TRPM1: variants seen among roughly 807,000 people sequenced by gnomAD.
TRPM1 encodes the protein transient receptor potential cation channel subfamily M member 1, also known as TRPM1-203 APA Isoform, Intron 10.
Under a neutral mutation model 149.4 loss-of-function variants are expected in TRPM1, and 113 were observed. The observed-to-expected ratio is 0.76, with a 90% confidence interval of 0.65 to 0.88. The LOEUF (loss-of-function observed/expected upper bound fraction) is 0.88. TRPM1 is among the 40% of genes least tolerant of loss of function. The pLI is 0.00. For synonymous variants in TRPM1, 741 were observed against 759.5 expected, an observed-to-expected ratio of 0.98 and a Z score of 0.40; for missense variants, 1,976 against 2,038.7, an observed-to-expected ratio of 0.97 and a Z score of 0.59.
chr15:31,107,923 T>G (rs1195778785), intron 1 of TRPM1, among the ~76,000 whole-genome samples: 1 of 151,928 alleles, frequency 6.6e-6, no homozygotes, highest in Non-Finnish European at 1.5e-5. Flanking sequence ...AGTGGCATGA[T>G]CTCAGCTCAC....
upstream of TRPM1, among the ~76,000 whole-genome samples, chr15:31,106,435 C>T (rs1027433377): frequency 6.6e-6 from 1 of 152,024 alleles, no homozygotes; most frequent in Non-Finnish European, 1.5e-5. Flanking sequence ...CACGCCTGGC[C>T]GCCACAAGTA....
At chr15:31,005,033 C>T (rs575579789) in intron 27 of TRPM1, among the ~76,000 whole-genome samples, 3 of 151,876 alleles carry the variant, frequency 2.0e-5, no homozygotes, top group Admixed American at 1.3e-4. Flanking sequence ...ACCCAGGAGG[C>T]GGAGGTTGCA....
intron 27 of TRPM1, among the ~76,000 whole-genome samples, chr15:31,021,808 G>A (rs1486618935): frequency 9.2e-5 from 14 of 151,774 alleles, no homozygotes; most frequent in Non-Finnish European, 1.9e-4. Context: ...TGCTATTATA[G>A]GTTTAGCTCA....
intron 1 of TRPM1, among the ~76,000 whole-genome samples, chr15:31,150,043 T>A (rs1382745867): frequency 6.6e-6 from 1 of 152,200 alleles, no homozygotes; most frequent in Admixed American, 6.5e-5. Context: ...AAGTAAGGGG[T>A]AAAGCCCATT....
At chr15:31,042,877 C>T (rs1181617898) in intron 16 of TRPM1, among the ~76,000 whole-genome samples, 1 of 152,144 alleles carries the variant, frequency 6.6e-6, no homozygotes, top group East Asian at 1.9e-4. Flanking sequence ...AAAGGCAGAT[C>T]GTGATTGGGA....
At chr15:31,149,526 C>CTTTTT (rs770015508) in intron 1 of TRPM1, among the ~76,000 whole-genome samples, 4 of 122,826 alleles carry the variant, frequency 3.3e-5, no homozygotes, top group African/African-American at 1.3e-4. Context: ...CTCTCTCTCT[C>CTTTTT]TTTTTTTTTT....
At chr15:31,101,270 C>T (rs1018164631) in intron 1 of TRPM1, among the ~76,000 whole-genome samples, 1 of 152,186 alleles carries the variant, frequency 6.6e-6, no homozygotes, top group Non-Finnish European at 1.5e-5. Context: ...TAGAAGCTGG[C>T]CCTGAGGGAA....
chr15:31,009,314 A>G (rs1052613437), intron 27 of TRPM1, among the ~76,000 whole-genome samples: 2 of 152,146 alleles, frequency 1.3e-5, no homozygotes, highest in African/African-American at 4.8e-5. Flanking sequence ...TGGGCAACAC[A>G]GGAGACCTCG....
At chr15:31,069,003 T>C (rs527874584) in intron 4 of TRPM1, among the ~76,000 whole-genome samples, 1 of 152,318 alleles carries the variant, frequency 6.6e-6, no homozygotes, top group Admixed American at 6.5e-5. Context: ...TAAATTTGAA[T>C]TTTAGAGGAA....
chr15:31,148,261 G>A (rs926803529), intron 1 of TRPM1, among the ~76,000 whole-genome samples: 3 of 152,208 alleles, frequency 2.0e-5, no homozygotes, highest in African/African-American at 7.2e-5. Flanking sequence ...GTAGGTGCGA[G>A]GACAGCAGGA....
intron 27 of TRPM1, among the ~76,000 whole-genome samples, chr15:31,016,621 G>A (rs898915916): frequency 6.6e-6 from 1 of 152,154 alleles, no homozygotes; most frequent in Non-Finnish European, 1.5e-5. Context: ...AGGCCTAAGA[G>A]CAATTCCTGA....
chr15:31,138,244 G>A (rs2036115777), intron 1 of TRPM1, among the ~76,000 whole-genome samples: 1 of 152,024 alleles, frequency 6.6e-6, no homozygotes, highest in African/African-American at 2.4e-5. Flanking sequence ...AAGATTTTGA[G>A]GGAAGCTCAT....
intron 1 of TRPM1, among the ~76,000 whole-genome samples, chr15:31,120,962 C>T (rs890323834): frequency 1.3e-5 from 2 of 152,072 alleles, no homozygotes; most frequent in African/African-American, 2.4e-5. Flanking sequence ...GGTGCAGGGG[C>T]TCACGCCTGT....
At chr15:31,093,303 A>G (rs1354346323) in intron 1 of TRPM1, among the ~76,000 whole-genome samples, 2 of 151,330 alleles carry the variant, frequency 1.3e-5, no homozygotes, top group African/African-American at 4.9e-5. Context: ...AAAAGCTCCC[A>G]AAGAATCCAC....
At chr15:31,056,772 A>G (rs1275568619) in intron 11 of TRPM1, among the ~76,000 whole-genome samples, 1 of 152,082 alleles carries the variant, frequency 6.6e-6, no homozygotes, top group Non-Finnish European at 1.5e-5. Context: ...TCGCTCTCTT[A>G]CCCTTTCACC....
At chr15:31,066,409 A>C (rs1304598934) in intron 6 of TRPM1, among the ~76,000 whole-genome samples, 162 bp from the exon 7 acceptor site, 1 of 152,230 alleles carries the variant, frequency 6.6e-6, no homozygotes, top group Non-Finnish European at 1.5e-5. Context: ...TGTTACATTA[A>C]AATAGAAAGA....
chr15:31,113,484 A>G (rs530061346), intron 1 of TRPM1, among the ~76,000 whole-genome samples: 35 of 152,176 alleles, frequency 2.3e-4, no homozygotes, highest in African/African-American at 6.8e-4. Context: ...GGGTCAAACA[A>G]TATCTTAAAG....
chr15:31,007,636 TAAC>T (rs756677929), intron 27 of TRPM1, among the ~76,000 whole-genome samples: 10,413 of 103,858 alleles, frequency 0.1, 475 homozygotes, highest in South Asian at 0.13. Context: ...ACTTCGTCTA[TAAC>T]AACAGCAGCG....
chr15:31,131,035 CCTT>C (rs2036009624), intron 1 of TRPM1, among the ~76,000 whole-genome samples: 1 of 152,274 alleles, frequency 6.6e-6, no homozygotes, highest in South Asian at 2.1e-4. Context: ...AATCAGTAGT[CCTT>C]CTTATCTGCA....
Sources: gnomAD v4.1 joint callset for allele counts (sites outside exome capture counted in the v4.1 genomes callset) on GRCh38, gnomAD v4.1.1 for gene constraint, MANE v1.5 for transcripts, NCBI Gene and HGNC (gene_info 2026-07-23, HGNC 2026-07-21) for gene names.